The following L3MBTL1 variants were observed in gnomAD, a reference collection of about 807,000 sequenced individuals.
L3MBTL1 encodes L3MBTL histone methyl-lysine binding protein 1.
A neutral mutation model predicts 105.3 loss-of-function variants in L3MBTL1; 75 were observed. The observed-to-expected ratio is 0.71, with a 90% CI of 0.59 to 0.86. The LOEUF is 0.86. Ranked by LOEUF, L3MBTL1 falls within the 40% of genes least tolerant of loss-of-function variation. The pLI is 0.00. For synonymous variants in L3MBTL1, 452 were observed against 436.2 expected, an observed-to-expected ratio of 1.04 and a Z score of -0.45; for missense variants, 1,069 against 1,126.4, an observed-to-expected ratio of 0.95 and a Z score of 0.73.
Position 43,514,785 on chromosome 20 carries a change from C to G in L3MBTL1, c.502+9C>G. 1 of 1,542,244 alleles carries G rather than the reference C, an allele frequency of 6.5e-7. No individual in the cohort carries two copies. The highest frequency in any genetic ancestry group is 2.4e-5 in the East Asian group (1 of 41,020). ...GGGCCCCCAACAGGCGGGTAGGAGCCCCGCTCCCCAGGCCCTGAGCTGGGC... is the reference window on the plus strand; with the variant it reads ...GGGCCCCCAACAGGCGGGTAGGAGCGCCGCTCCCCAGGCCCTGAGCTGGGC... On this transcript the variant is annotated intron_variant, in intron 4 of 21. Transcript: ENST00000418998.
chr20:43,523,674 C>G (rs1236282983), intron 7 of L3MBTL1: 3 of 167,970 alleles, frequency 1.8e-5, no homozygotes, highest in African/African-American at 7.2e-5. Context: ...ATCTCCTTAT[C>G]CTTTTAATAT....
chr20:43,523,377 T>G (rs901457261), intron 7 of L3MBTL1: 21 of 219,708 alleles, frequency 9.6e-5, no homozygotes, highest in Admixed American at 8.2e-4. Flanking sequence ...AGCCAAGGTC[T>G]CAGACGTAGC....
rs1275410820 is a variant in L3MBTL1 at position 43,540,999 on chromosome 20, G to A, written c.2460G>A (p.Gly820=). The change falls in exon 22 of 22, where the codon GGG becomes GGA. Residue 820 remains glycine, a synonymous_variant. Transcript: ENST00000418998. The part of the protein sequence containing the change: ...KTLVWTVAQL[G]DLVCSDHLQE... ...TAGTCTGGACTGTGGCCCAGCTTGGGGACCTTGTGTGCTCAGATCATCTTC... is the reference window on the plus strand; with the variant it reads ...TAGTCTGGACTGTGGCCCAGCTTGGAGACCTTGTGTGCTCAGATCATCTTC... The A allele has an allele frequency of 6.2e-7, 1 of 1,614,146 alleles. No individual in the cohort carries two copies. The highest frequency in any genetic ancestry group is 1.1e-5 in the South Asian group (1 of 91,082).
At chr20:43,536,690 G>A (rs1057512359) in intron 19 of L3MBTL1, among the ~76,000 whole-genome samples, 5 of 152,144 alleles carry the variant, frequency 3.3e-5, no homozygotes, top group Non-Finnish European at 5.9e-5. Flanking sequence ...GAGTCTGTGG[G>A]GAGGGTACAG....
intron 19 of L3MBTL1, chr20:43,539,884 G>C (rs1205169967): frequency 3.6e-6 from 2 of 559,560 alleles, no homozygotes; most frequent in Non-Finnish European, 6.5e-6. Context: ...AGGGCCCAGG[G>C]TGGTGCAGCC....
rs1568923938 is a variant in L3MBTL1, at chr20:43,528,764, C to G, written c.951+19C>G. ...CCAGGACGTGAGTTGGACAATTTCC[C>G]CGTAGGAACAGCTTGTCTTCCTAGC... is the stretch of plus-strand genomic sequence containing the variant. On this transcript the variant is annotated intron_variant, in intron 8 of 21. Transcript: ENST00000418998. The G allele has an allele frequency of 6.3e-7, 1 of 1,587,514 alleles. No homozygotes were observed. Among genetic ancestry groups the G allele is most frequent in the Non-Finnish European group, 8.7e-7 (1 of 1,155,692 alleles).
At chr20:43,528,045 A>T (rs2019122559) in intron 7 of L3MBTL1, among the ~76,000 whole-genome samples, 1 of 152,042 alleles carries the variant, frequency 6.6e-6, no homozygotes, top group Non-Finnish European at 1.5e-5. Flanking sequence ...GGCATGTACC[A>T]CCACGCCCAA....
At chr20:43,528,624 C>G in intron 7 of L3MBTL1, 33 bp from the exon 8 acceptor site, 1 of 1,548,508 alleles carries the variant, frequency 6.5e-7, no homozygotes, top group South Asian at 1.1e-5. Context: ...CAGGAACAGC[C>G]CAGGAGTTAG....
intron 6 of L3MBTL1, 115 bp downstream of exon 6, chr20:43,515,530 A>G: frequency 7.3e-7 from 1 of 1,361,304 alleles, no homozygotes; most frequent in Non-Finnish European, 9.9e-7. Flanking sequence ...ACGCATAATG[A>G]CTCACTCATC....
exon 19 of L3MBTL1, chr20:43,550,022 G>A (rs1001740491): frequency 2.0e-5 from 3 of 152,160 alleles, no homozygotes; most frequent in African/African-American, 7.2e-5. Flanking sequence ...GCAGCTTTGA[G>A]CACAGCCTTC....
At chr20:43,546,343 C>T (rs776669665), downstream of L3MBTL1, among the ~76,000 whole-genome samples, 1 of 152,186 alleles carries the variant, frequency 6.6e-6, no homozygotes, top group Admixed American at 6.5e-5. Flanking sequence ...CATAGGATAC[C>T]CCTACCCAGC....
intron 7 of L3MBTL1, chr20:43,523,410 G>A: frequency 9.1e-6 from 2 of 219,788 alleles, no homozygotes; most frequent in South Asian, 7.8e-5. Flanking sequence ...AGCATCCCTT[G>A]GATCCTGAGA....
At position 43,532,970 on chromosome 20, in the gene L3MBTL1, A is replaced by C. The variant is rs747659198; in HGVS notation, c.1436+46A>C. 43 of 1,600,806 alleles carry C rather than the reference A, an allele frequency of 2.7e-5. No homozygotes were observed. The East Asian group carries it at 9.4e-4, about 35-fold the overall frequency. Reference sequence around the variant, plus strand: ...TGGCCTCAGGGGGTGAGGGGATGGCAGGGGGCAACTGCTTTCATATCTCAG... The same window carrying C: ...TGGCCTCAGGGGGTGAGGGGATGGCCGGGGGCAACTGCTTTCATATCTCAG... On this transcript the variant is annotated intron_variant, in intron 12 of 21. Transcript: ENST00000418998.
chr20:43,519,663 C>T (rs1466248302), intron 7 of L3MBTL1, among the ~76,000 whole-genome samples: 1 of 152,124 alleles, frequency 6.6e-6, no homozygotes, highest in Non-Finnish European at 1.5e-5. Context: ...TGAGGTCTTG[C>T]TGTATTGCCC....
chr20:43,534,460 T>G, intron 15 of L3MBTL1, 66 bp downstream of exon 15: 1 of 1,291,390 alleles, frequency 7.7e-7, no homozygotes, highest in Non-Finnish European at 1.1e-6. Flanking sequence ...GTAGACTGTT[T>G]AGAGGTCAGG....
chr20:43,547,326 G>A (rs959058081), intron 18 of L3MBTL1, among the ~76,000 whole-genome samples: 20 of 151,912 alleles, frequency 1.3e-4, no homozygotes, highest in East Asian at 7.7e-4. Flanking sequence ...GGATGGTCTC[G>A]ATCTCCTGAC....
Position 43,540,930 on chromosome 20 carries a change from C to A in L3MBTL1, c.2395-4C>A. The A allele has an allele frequency of 6.2e-7, 1 of 1,613,988 alleles. No homozygotes were observed. The highest frequency in any genetic ancestry group is 1.3e-5 in the African/African-American group (1 of 75,046). On this transcript the variant is annotated splice_polypyrimidine_tract_variant and splice_region_variant and intron_variant, in intron 21 of 21. Coordinates refer to ENST00000418998, the MANE Select transcript of L3MBTL1 (RefSeq NM_001377303.1). ...CTAAGGAGGGACCCGTGTTGCCCCA[C>A]CAGGCAAGAATAGTCAGAGTGACCC...
At chr20:43,534,630 CA>C (rs1210694225) in intron 15 of L3MBTL1, 197 bp from the exon 16 acceptor site, 5 of 607,694 alleles carry the variant, frequency 8.2e-6, no homozygotes, top group African/African-American at 1.9e-5. Flanking sequence ...TAAGGATTGC[CA>C]GTGGGAGATG....
intron 19 of L3MBTL1, chr20:43,539,590 C>T: frequency 4.6e-6 from 1 of 215,344 alleles, no homozygotes; most frequent in Non-Finnish European, 9.4e-6. Context: ...GTAGTACAGA[C>T]CGGGCTGGTG....
Sources: allele counts gnomAD v4.1 joint callset (sites outside exome capture counted in the v4.1 genomes callset), GRCh38; gene constraint gnomAD v4.1.1; transcripts MANE v1.5; gene names NCBI Gene and HGNC (gene_info 2026-07-23, HGNC 2026-07-21).